LCMT1: variants seen among roughly 807,000 people sequenced by gnomAD.
The protein encoded by LCMT1 is leucine carboxyl methyltransferase 1.
A neutral mutation model predicts 47.7 loss-of-function variants in LCMT1; 32 were observed. That is an observed-to-expected ratio of 0.67 (90% CI 0.51 to 0.90). The LOEUF (loss-of-function observed/expected upper bound fraction) is 0.90. LCMT1 is among the 40% of genes least tolerant of loss of function. LCMT1 has a pLI of 0.00. For missense variants in LCMT1, 375 were observed against 415.2 expected (o/e 0.90, Z 0.84); for synonymous variants, 152 against 149.7 (o/e 1.02, Z -0.11).
chr16:25,124,517 G>C (rs1960099309), intron 1 of LCMT1, among the ~76,000 whole-genome samples: 1 of 152,206 alleles, frequency 6.6e-6, no homozygotes, highest in African/African-American at 2.4e-5. Flanking sequence ...CTATTTGTAT[G>C]TATTCATATT....
Position 25,111,767 on chromosome 16 carries a change from A to G in LCMT1, c.-117A>G. ...GTCACTGAGCCGCGCCAGCTGAGCC[A>G]GGTAGGGCCCTACCCTCTTCTGTTG... On this transcript the variant is annotated 5_prime_UTR_variant, in exon 1 of 11. Coordinates refer to ENST00000399069, the MANE Select transcript of LCMT1 (RefSeq NM_016309.3). 2.9e-6 allele frequency: 2 copies of G among 683,722 alleles called. No individual in the cohort carries two copies. The highest frequency in any genetic ancestry group is 5.2e-6 in the Non-Finnish European group (2 of 384,644). 42.4% of individuals were successfully genotyped at this position (683,722 alleles called of 1,614,324 possible).
intron 3 of LCMT1, among the ~76,000 whole-genome samples, chr16:25,134,878 G>C (rs962388400): frequency 1.1e-4 from 17 of 152,112 alleles, no homozygotes; most frequent in African/African-American, 4.1e-4. Context: ...TGAGATTATG[G>C]GTATGAGCCA....
At chr16:25,115,897 C>T (rs1040988687) in intron 1 of LCMT1, among the ~76,000 whole-genome samples, 36 of 152,164 alleles carry the variant, frequency 2.4e-4, no homozygotes, top group Admixed American at 7.2e-4. Flanking sequence ...AGGCTGGTCT[C>T]GAATGCCTGA....
At chr16:25,146,101 C>T (rs1960842368) in intron 4 of LCMT1, 1 of 152,222 alleles carries the variant, frequency 6.6e-6, no homozygotes, top group African/African-American at 2.4e-5. Flanking sequence ...TAGACATGGC[C>T]TCACAAGCAA....
intron 1 of LCMT1, among the ~76,000 whole-genome samples, chr16:25,116,988 T>C (rs1005751538): frequency 6.6e-6 from 1 of 152,020 alleles, no homozygotes. Flanking sequence ...AGTGGTGTAT[T>C]AGGTGAACTT....
At chr16:25,173,758 T>C (rs977318555) in intron 9 of LCMT1, among the ~76,000 whole-genome samples, 3 of 152,132 alleles carry the variant, frequency 2.0e-5, no homozygotes, top group African/African-American at 7.2e-5. Context: ...TTGCCTAGGC[T>C]GGTCTCAAAC....
intron 2 of LCMT1, among the ~76,000 whole-genome samples, chr16:25,131,800 A>T (rs186407633): frequency 2.1e-3 from 315 of 152,232 alleles, no homozygotes; most frequent in Non-Finnish European, 4.1e-4. Context: ...CTATCCTCCC[A>T]AGAAGCTGGG....
chr16:25,160,499 G>A (rs537420189), intron 5 of LCMT1, among the ~76,000 whole-genome samples: 7 of 152,302 alleles, frequency 4.6e-5, no homozygotes, highest in Admixed American at 4.6e-4. Flanking sequence ...GTAACATTTA[G>A]AGAGCAGCCT....
At position 25,164,692 on chromosome 16, in the gene LCMT1, A is replaced by G. The variant is rs746779348; in HGVS notation, c.664A>G (p.Arg222Gly). The change falls in exon 7 of 11, where the codon AGA (arginine) becomes GGA (glycine). Residue 222 changes from arginine (R) to glycine (G), a missense_variant. Transcript: ENST00000399069. The part of the protein sequence containing the change: ...LLKWAANSFE[R>G]AMFINYEQVN... ...GAAGTGGGCAGCCAACAGTTTTGAG[A>G]GAGCCATGTTCATAAACTACGAACA... 6.2e-7 allele frequency: 1 copy of G among 1,614,020 alleles called. No individual in the cohort carries two copies. Among genetic ancestry groups the G allele is most frequent in the Non-Finnish European group, 8.5e-7 (1 of 1,179,888 alleles).
At chr16:25,141,797 T>C (rs542948021) in intron 4 of LCMT1, 5 of 152,382 alleles carry the variant, frequency 3.3e-5, no homozygotes, top group Admixed American at 2.0e-4. Flanking sequence ...AAGACAGCAT[T>C]GGCTAGGGAG....
At chr16:25,127,189 T>A (rs1960216067) in intron 1 of LCMT1, among the ~76,000 whole-genome samples, 1 of 152,224 alleles carries the variant, frequency 6.6e-6, no homozygotes, top group African/African-American at 2.4e-5. Context: ...ATCCTTACTA[T>A]ATGTAATGCA....
Position 25,111,816 on chromosome 16 carries a change from TCCC to T in LCMT1, c.-65_-63del. ...TGCTTTCTCCCTGTGGCTCGCGCCG[TCCC>T]CCGCCGCCCGTCGACCCCGCTTCCA... is the stretch of plus-strand genomic sequence containing the variant. On this transcript the variant is annotated 5_prime_UTR_variant, in exon 1 of 11. Coordinates refer to ENST00000399069, the MANE Select transcript of LCMT1 (RefSeq NM_016309.3). 9.4e-7 allele frequency: 1 copy of T among 1,065,298 alleles called. No homozygotes were observed. Among genetic ancestry groups the T allele is most frequent in the Admixed American group, 2.0e-5 (1 of 50,208 alleles). The allele number at this position is 1,065,298 out of a possible 1,614,324, so 66.0% of individuals were successfully genotyped here.
intron 3 of LCMT1, among the ~76,000 whole-genome samples, chr16:25,133,211 T>C (rs931031798): frequency 1.2e-4 from 18 of 152,156 alleles, no homozygotes; most frequent in Admixed American, 5.9e-4. Flanking sequence ...TAATGGCTTC[T>C]TGGGTAAAAT....
chr16:25,118,618 T>G (rs1959873112), intron 1 of LCMT1, among the ~76,000 whole-genome samples: 1 of 151,882 alleles, frequency 6.6e-6, no homozygotes, highest in Admixed American at 6.6e-5. Flanking sequence ...TGGAAGGAGT[T>G]GTCATCTGAG....
At chr16:25,126,733 C>T (rs958208393) in intron 1 of LCMT1, among the ~76,000 whole-genome samples, 2 of 152,146 alleles carry the variant, frequency 1.3e-5, no homozygotes, top group African/African-American at 2.4e-5. Flanking sequence ...CAGAGGGAGG[C>T]AAATTGATCA....
chr16:25,136,384 T>G lies in LCMT1; in HGVS notation c.328-3787T>G, dbSNP rs143190011. On this transcript the variant is annotated intron_variant, in intron 3 of 10. Transcript: ENST00000399069. ...CATGCAGGCTATTTGGAGTGAAATA[T>G]CAAAAGGGCCATCAAGAATCACAGA... Among the ~76,000 whole-genome samples, 1,171 of 152,034 alleles carry G rather than the reference T, an allele frequency of 7.7e-3. 17 individuals are homozygous for G. The highest frequency in any genetic ancestry group is 0.027 in the African/African-American group (1,128 of 41,458).
intron 1 of LCMT1, among the ~76,000 whole-genome samples, chr16:25,125,809 A>ATGAGAGTG (rs1960155877): frequency 6.7e-6 from 1 of 149,854 alleles, no homozygotes; most frequent in African/African-American, 2.5e-5. Context: ...TCCAGCCTGG[A>ATGAGAGTG]CAACAAGAGC....
chr16:25,169,319 G>C, intron 8 of LCMT1, 106 bp downstream of exon 8: 1 of 745,586 alleles, frequency 1.3e-6, no homozygotes, highest in Admixed American at 2.1e-5. Context: ...TTCAGTGCCT[G>C]TCAGCAGCAC....
intron 9 of LCMT1, among the ~76,000 whole-genome samples, chr16:25,171,700 G>A (rs1961778732): frequency 6.6e-6 from 1 of 152,096 alleles, no homozygotes; most frequent in Non-Finnish European, 1.5e-5. Context: ...TTTTTAAATG[G>A]ACTTTTCTCC....
Sources: allele counts gnomAD v4.1 joint callset (sites outside exome capture counted in the v4.1 genomes callset), GRCh38; gene constraint gnomAD v4.1.1; transcripts MANE v1.5; gene names NCBI Gene and HGNC (gene_info 2026-07-23, HGNC 2026-07-21).